NAV2: variants seen among roughly 807,000 people sequenced by gnomAD.
The protein encoded by NAV2 is helicase, APC down-regulated 1.
Under a neutral mutation model 223.2 loss-of-function variants are expected in NAV2, and 54 were observed. The observed-to-expected ratio is 0.24, with a 90% CI of 0.19 to 0.30. The LOEUF is 0.30. NAV2 is among the 10% of genes least tolerant of loss of function. The pLI, the probability that NAV2 is intolerant of heterozygous loss-of-function variation, is 1.00. For synonymous variants in NAV2, 1,279 were observed against 1,239.3 expected (o/e 1.03, Z -0.67); for missense variants, 2,806 against 3,147.5 (o/e 0.89, Z 2.60).
chr11:19,767,994 T>A (rs1039843063), intron 1 of NAV2, among the ~76,000 whole-genome samples: 1 of 152,366 alleles, frequency 6.6e-6, no homozygotes, highest in South Asian at 2.1e-4. Context: ...CAGAGCCTGA[T>A]GTTTACCAGC....
Position 19,866,236 on chromosome 11 carries a change from G to T in NAV2, c.439-2689G>T, listed in dbSNP as rs573128358. 1.8e-4 allele frequency among the ~76,000 whole-genome samples: 28 copies of T among 152,322 alleles called. No individual in the cohort carries two copies. The South Asian group carries it at 4.6e-3, about 25-fold the overall frequency. On this transcript the variant is annotated intron_variant, in intron 3 of 37. Coordinates refer to ENST00000349880, the MANE Select transcript of NAV2 (RefSeq NM_145117.5). ...ACTGGACAGTTCTTTGTTGTGAGAA[G>T]CTGTACTGTGCATTGTAGGATGTTT...
chr11:19,814,673 C>G (rs117122697), intron 1 of NAV2, among the ~76,000 whole-genome samples: 22 of 151,902 alleles, frequency 1.4e-4, no homozygotes, highest in Non-Finnish European at 2.5e-4. Context: ...CTATGTTGCC[C>G]AGGCTGGTCT....
At position 20,012,930 on chromosome 11, in the gene NAV2, A is replaced by G. The variant is rs778366948; in HGVS notation, c.2769-23029A>G. 5.3e-5 allele frequency among the ~76,000 whole-genome samples: 8 copies of G among 152,274 alleles called. No homozygotes were observed. The East Asian group carries it at 5.8e-4, about 11-fold the overall frequency. ...ATCTTACTTAACCCACTGCTCCCCA[A>G]TTTCTTCATATAAACTTGGGATGAT... On this transcript the variant is annotated intron_variant, in intron 11 of 37. Coordinates refer to ENST00000349880, the MANE Select transcript of NAV2 (RefSeq NM_145117.5).
At chr11:19,439,832 G>A (rs907291027) in intron 1 of NAV2, among the ~76,000 whole-genome samples, 3 of 152,226 alleles carry the variant, frequency 2.0e-5, no homozygotes, top group African/African-American at 7.2e-5. Flanking sequence ...TCTTACATGC[G>A]CTGAGCGTGA....
At chr11:19,447,061 G>A (rs924627881) in intron 1 of NAV2, among the ~76,000 whole-genome samples, 6 of 152,262 alleles carry the variant, frequency 3.9e-5, no homozygotes, top group South Asian at 4.1e-4. Context: ...TCCCCTCCCC[G>A]GAATCAAGAA....
At chr11:19,424,768 T>A (rs1590180663) in intron 1 of NAV2, among the ~76,000 whole-genome samples, 1 of 152,072 alleles carries the variant, frequency 6.6e-6, no homozygotes, top group East Asian at 1.9e-4. Flanking sequence ...CCAGGCTGGT[T>A]TCTAACTCCT....
At chr11:19,924,007 C>T (rs771837558) in intron 6 of NAV2, among the ~76,000 whole-genome samples, 10 of 152,164 alleles carry the variant, frequency 6.6e-5, no homozygotes, top group East Asian at 1.9e-4. Context: ...GCAAATGATC[C>T]GTCTCCTTAC....
intron 6 of NAV2, among the ~76,000 whole-genome samples, chr11:19,909,010 T>C (rs903316803): frequency 7.2e-5 from 11 of 152,316 alleles, no homozygotes; most frequent in African/African-American, 1.7e-4. Context: ...CATGAATTTA[T>C]GGTATGTGAA....
chr11:19,491,730 C>G (rs1465781886), intron 1 of NAV2, among the ~76,000 whole-genome samples: 2 of 152,198 alleles, frequency 1.3e-5, no homozygotes, highest in African/African-American at 4.8e-5. Context: ...CCTTCAAAAG[C>G]TTTTTCTTTG....
At chr11:20,114,538 C>A in intron 36 of NAV2, 54 bp from the exon 37 acceptor site, 1 of 1,556,068 alleles carries the variant, frequency 6.4e-7, no homozygotes. Context: ...AAAACTGGGG[C>A]TACGAGAGAG....
intron 1 of NAV2, among the ~76,000 whole-genome samples, chr11:19,374,139 C>A (rs562814189): frequency 1.3e-5 from 2 of 152,222 alleles, no homozygotes; most frequent in African/African-American, 4.8e-5. Context: ...GTCTTGTTTT[C>A]TCTTTCTCGA....
At position 19,437,028 on chromosome 11, in the gene NAV2, C is replaced by G. The variant is rs905285477; in HGVS notation, c.75+86001C>G. Among the ~76,000 whole-genome samples, 35 of 152,154 alleles carry G rather than the reference C, an allele frequency of 2.3e-4. 1 individual carries two copies. Among genetic ancestry groups the G allele is most frequent in the African/African-American group, 1.9e-4 (8 of 41,446 alleles). Reference sequence around the variant, plus strand: ...CATAAGATCATGTAGTCAGCAGAGACAGTTTCACTTCTTCCTTTACTATTT... The same window carrying G: ...CATAAGATCATGTAGTCAGCAGAGAGAGTTTCACTTCTTCCTTTACTATTT... On this transcript the variant is annotated intron_variant, in intron 1 of 37. Coordinates refer to the NAV2 transcript ENST00000360655.
In NAV2 at chr11:19,705,928, T is replaced by C. The variant is rs116838846; in HGVS notation, c.76-126556T>C. On this transcript the variant is annotated intron_variant, in intron 1 of 37. Transcript: ENST00000360655. Reference sequence around the variant, plus strand: ...TTCTCACTTATTATAGATGACAATATAGCTTGACCCCTGGACTCTAGGCTG... The same window carrying C: ...TTCTCACTTATTATAGATGACAATACAGCTTGACCCCTGGACTCTAGGCTG... Among the ~76,000 whole-genome samples, 548 of 152,300 alleles carry C rather than the reference T, an allele frequency of 3.6e-3. 2 individuals are homozygous for C. The highest frequency in any genetic ancestry group is 0.013 in the African/African-American group (530 of 41,564).
At chr11:19,635,478 G>A (rs191330987) in intron 1 of NAV2, among the ~76,000 whole-genome samples, 1,599 of 152,258 alleles carry the variant, frequency 0.011, 16 homozygotes, top group Non-Finnish European at 0.016. Context: ...AATTTACAAA[G>A]AAAAGAGGTT....
At chr11:19,469,091 A>C (rs2041878075) in intron 1 of NAV2, among the ~76,000 whole-genome samples, 1 of 152,234 alleles carries the variant, frequency 6.6e-6, no homozygotes, top group Admixed American at 6.5e-5. Flanking sequence ...CAGAAACTGC[A>C]GTCCTCTGGC....
intron 1 of NAV2, among the ~76,000 whole-genome samples, chr11:19,562,475 A>G (rs1426431879): frequency 6.6e-6 from 1 of 152,136 alleles, no homozygotes; most frequent in East Asian, 1.9e-4. Context: ...TTGGGTCTTC[A>G]CTTAATGTTT....
intron 1 of NAV2, among the ~76,000 whole-genome samples, chr11:19,386,213 C>A (rs1037245178): frequency 4.6e-5 from 7 of 152,156 alleles, no homozygotes; most frequent in African/African-American, 1.7e-4. Flanking sequence ...TTTGGGTGCC[C>A]AGCATTGAAT....
At chr11:19,415,550 T>C (rs942685656) in intron 1 of NAV2, among the ~76,000 whole-genome samples, 3 of 152,218 alleles carry the variant, frequency 2.0e-5, no homozygotes, top group African/African-American at 4.8e-5. Flanking sequence ...TCTGAAACTA[T>C]TCCAAACAGT....
intron 10 of NAV2, among the ~76,000 whole-genome samples, chr11:19,955,563 G>A (rs1348044248): frequency 6.6e-6 from 1 of 152,176 alleles, no homozygotes; most frequent in Non-Finnish European, 1.5e-5. Flanking sequence ...AACCCTGTGA[G>A]CTTGACATTG....
Sources: allele counts gnomAD v4.1 joint callset (sites outside exome capture counted in the v4.1 genomes callset), GRCh38; gene constraint gnomAD v4.1.1; transcripts MANE v1.5; gene names NCBI Gene and HGNC (gene_info 2026-07-23, HGNC 2026-07-21).